The following PEBP4 variants were observed in gnomAD, a reference collection of about 807,000 sequenced individuals.
The protein encoded by PEBP4 is phosphatidylethanolamine-binding protein 4.
In PEBP4, 22 loss-of-function variants were observed where a neutral mutation model predicts 23.9. That is an observed-to-expected ratio of 0.92 (90% confidence interval 0.66 to 1.31). The LOEUF (loss-of-function observed/expected upper bound fraction) is 1.31, where lower values mean the gene tolerates loss of function less well. PEBP4 is among the 40% of genes most tolerant of loss of function. The pLI is 0.00. For synonymous variants in PEBP4, 112 were observed against 99.3 expected, an observed-to-expected ratio of 1.13 and a Z score of -0.76; for missense variants, 324 against 281.7, an observed-to-expected ratio of 1.15 and a Z score of -1.07.
At chr8:22,822,328 A>C (rs1431990729) in intron 3 of PEBP4, among the ~76,000 whole-genome samples, 1 of 148,636 alleles carries the variant, frequency 6.7e-6, no homozygotes, top group African/African-American at 2.5e-5. Context: ...AGAAAATAGT[A>C]GGTGAAAAGA....
At chr8:22,909,751 G>T (rs1227784911) in intron 3 of PEBP4, among the ~76,000 whole-genome samples, 1 of 152,196 alleles carries the variant, frequency 6.6e-6, no homozygotes, top group African/African-American at 2.4e-5. Context: ...TGAGCAGTGG[G>T]AATCTTTCTG....
At chr8:22,750,938 A>G (rs1585253021) in intron 4 of PEBP4, among the ~76,000 whole-genome samples, 1 of 152,210 alleles carries the variant, frequency 6.6e-6, no homozygotes. Flanking sequence ...GAGAGAGAGA[A>G]AAAAATGCCT....
upstream of PEBP4, among the ~76,000 whole-genome samples, chr8:22,932,054 A>C (rs1055187286): frequency 4.6e-5 from 7 of 152,218 alleles, no homozygotes; most frequent in Non-Finnish European, 4.4e-5. Context: ...CTCTACTCTC[A>C]GTATCCTGTG....
intron 3 of PEBP4, chr8:22,880,557 CT>C (rs1444860147): frequency 3.8e-5 from 5 of 133,062 alleles, no homozygotes; most frequent in Non-Finnish European, 6.7e-5. Context: ...GAGACCCTTC[CT>C]GAACCGGATC....
At chr8:22,877,291 A>T (rs895854421) in intron 3 of PEBP4, among the ~76,000 whole-genome samples, 4 of 152,142 alleles carry the variant, frequency 2.6e-5, no homozygotes, top group African/African-American at 9.7e-5. Context: ...TAGAAAGATG[A>T]TGGGGCTACG....
intron 4 of PEBP4, among the ~76,000 whole-genome samples, chr8:22,816,121 C>A (rs890236955): frequency 6.6e-6 from 1 of 152,146 alleles, no homozygotes; most frequent in Non-Finnish European, 1.5e-5. Flanking sequence ...GGGGAGATGC[C>A]AGTTCTTTCT....
intron 3 of PEBP4, among the ~76,000 whole-genome samples, chr8:22,880,116 C>T (rs1051829752): frequency 1.3e-5 from 2 of 152,170 alleles, no homozygotes; most frequent in African/African-American, 4.8e-5. Flanking sequence ...AGAGAGCCGC[C>T]TGGGGCTCTG....
At chr8:22,915,621 C>T (rs1809056726) in intron 3 of PEBP4, among the ~76,000 whole-genome samples, 1 of 152,254 alleles carries the variant, frequency 6.6e-6, no homozygotes, top group Non-Finnish European at 1.5e-5. Context: ...TGAGTCACCG[C>T]CCATCCCCAA....
At chr8:22,799,840 C>T (rs1806345309) in intron 4 of PEBP4, among the ~76,000 whole-genome samples, 1 of 152,194 alleles carries the variant, frequency 6.6e-6, no homozygotes, top group Non-Finnish European at 1.5e-5. Flanking sequence ...TTGACCCAGC[C>T]ATCCCATTAC....
chr8:22,757,274 CA>C (rs1162265457), intron 4 of PEBP4: 2 of 152,282 alleles, frequency 1.3e-5, no homozygotes, highest in African/African-American at 4.8e-5. Context: ...GGTTTGTACT[CA>C]CACCACGGTG....
At position 22,784,674 on chromosome 8, in the gene PEBP4, G is replaced by A. The variant is rs150628054; in HGVS notation, c.357+32963C>T. Among the ~76,000 whole-genome samples the A allele has an allele frequency of 1.2e-4, 18 of 152,272 alleles. 2 individuals carry two copies. The East Asian group carries it at 2.1e-3, about 18-fold the overall frequency. Reference sequence around the variant, plus strand: ...AGCCGCCCGGGTGTTTGTAACCACCGCCTTATTGAATTGTGACAAGTTATT... The same window carrying A: ...AGCCGCCCGGGTGTTTGTAACCACCACCTTATTGAATTGTGACAAGTTATT... On this transcript the variant is annotated intron_variant, in intron 4 of 6. Transcript: ENST00000256404.
At chr8:22,802,555 A>G (rs1806408033) in intron 4 of PEBP4, among the ~76,000 whole-genome samples, 1 of 152,244 alleles carries the variant, frequency 6.6e-6, no homozygotes, top group Admixed American at 6.5e-5. Context: ...TTCCAACCAC[A>G]GGTCACAAAT....
chr8:22,774,185 C>T (rs1383290189), intron 4 of PEBP4, among the ~76,000 whole-genome samples: 2 of 152,320 alleles, frequency 1.3e-5, no homozygotes, highest in East Asian at 1.9e-4. Context: ...TCTTGCTGCT[C>T]CTTTCTTTGC....
At chr8:22,722,482 G>A (rs936485574) in intron 6 of PEBP4, among the ~76,000 whole-genome samples, 5 of 152,250 alleles carry the variant, frequency 3.3e-5, no homozygotes, top group Non-Finnish European at 7.3e-5. Context: ...AGAGAGCACA[G>A]TGTTCTGGAG....
At chr8:22,920,408 A>G in intron 2 of PEBP4, 98 bp from the exon 3 acceptor site, 1 of 1,345,714 alleles carries the variant, frequency 7.4e-7, no homozygotes, top group Non-Finnish European at 1.0e-6. Context: ...GTAAAGTGAA[A>G]TGGGATCAAA....
At chr8:22,871,084 C>G (rs1388116355) in intron 3 of PEBP4, among the ~76,000 whole-genome samples, 1 of 152,112 alleles carries the variant, frequency 6.6e-6, no homozygotes, top group African/African-American at 2.4e-5. Context: ...GAAGCAGGAT[C>G]CTTTAATCCA....
chr8:22,899,173 A>G (rs1808659404), intron 3 of PEBP4, among the ~76,000 whole-genome samples: 1 of 152,228 alleles, frequency 6.6e-6, no homozygotes. Context: ...ATGATGATAC[A>G]TAAAGAATAT....
chr8:22,755,388 C>T (rs77502812), intron 4 of PEBP4, among the ~76,000 whole-genome samples: 22,043 of 146,170 alleles, frequency 0.15, 1,834 homozygotes, highest in South Asian at 0.22. Flanking sequence ...CAGGCTGCCG[C>T]GCAGTGGCGT....
chr8:22,756,340 C>T lies in PEBP4; in HGVS notation c.358-29120G>A, dbSNP rs549528098. 3.8e-4 allele frequency among the ~76,000 whole-genome samples: 58 copies of T among 152,362 alleles called. 1 individual carries two copies. The highest frequency in any genetic ancestry group is 2.2e-4 in the Non-Finnish European group (15 of 68,034). ...CCTCCCTGCCAGAGACCCTTAACCC[C>T]GGACAGCCCCAGCTCAGGAGAGCTA... On this transcript the variant is annotated intron_variant, in intron 4 of 6. Coordinates refer to ENST00000256404, the MANE Select transcript of PEBP4 (RefSeq NM_144962.3).
Sources: gnomAD v4.1 joint callset for allele counts (sites outside exome capture counted in the v4.1 genomes callset) on GRCh38, gnomAD v4.1.1 for gene constraint, MANE v1.5 for transcripts, NCBI Gene and HGNC (gene_info 2026-07-23, HGNC 2026-07-21) for gene names.